The following SLC24A4 variants were observed in gnomAD, a reference collection of about 807,000 sequenced individuals.
SLC24A4 encodes the protein sodium/potassium/calcium exchanger 4.
A neutral mutation model predicts 79.0 loss-of-function variants in SLC24A4; 53 were observed. The observed-to-expected ratio is 0.67, with a 90% CI of 0.54 to 0.84. The LOEUF (loss-of-function observed/expected upper bound fraction) is 0.84, where lower values mean the gene tolerates loss of function less well. SLC24A4 is among the 40% of genes least tolerant of loss of function. The pLI is 0.00. For synonymous variants in SLC24A4, 323 were observed against 323.8 expected, an observed-to-expected ratio of 1.00 and a Z score of 0.03; for missense variants, 731 against 822.0, an observed-to-expected ratio of 0.89 and a Z score of 1.35.
chr14:92,401,727 CA>C (rs903721581), intron 2 of SLC24A4, among the ~76,000 whole-genome samples: 3 of 152,188 alleles, frequency 2.0e-5, no homozygotes, highest in African/African-American at 7.2e-5. Flanking sequence ...CTGTCCCCTA[CA>C]TGAGTTGCTG....
chr14:92,367,908 C>G (rs550475556), intron 2 of SLC24A4, among the ~76,000 whole-genome samples: 2 of 152,126 alleles, frequency 1.3e-5, no homozygotes, highest in Non-Finnish European at 2.9e-5. Flanking sequence ...AGAGAGGCAA[C>G]GTGGAGAAAC....
intron 12 of SLC24A4, among the ~76,000 whole-genome samples, chr14:92,470,139 A>C (rs1333864079): frequency 6.6e-6 from 1 of 152,226 alleles, no homozygotes; most frequent in Non-Finnish European, 1.5e-5. Flanking sequence ...GACTGTCAGC[A>C]TCAGCAGCAC....
At chr14:92,492,100 AG>A in intron 15 of SLC24A4, 74 bp from the exon 16 acceptor site, 4 of 1,378,212 alleles carry the variant, frequency 2.9e-6, no homozygotes, top group Non-Finnish European at 4.1e-6. Flanking sequence ...CATTGGGCCC[AG>A]GCATGCTGGG....
intron 2 of SLC24A4, among the ~76,000 whole-genome samples, chr14:92,339,374 G>A (rs1885997010): frequency 6.6e-6 from 1 of 152,254 alleles, no homozygotes; most frequent in African/African-American, 2.4e-5. Flanking sequence ...CAATGGAGTA[G>A]ACACTTGGGT....
intron 3 of SLC24A4, 128 bp downstream of exon 3, chr14:92,434,116 G>A: frequency 1.3e-6 from 1 of 749,870 alleles, no homozygotes; most frequent in South Asian, 1.5e-5. Context: ...AGCGGAGACT[G>A]GGCATGTTTT....
At chr14:92,346,532 G>A (rs534064832) in intron 2 of SLC24A4, among the ~76,000 whole-genome samples, 3 of 152,204 alleles carry the variant, frequency 2.0e-5, no homozygotes, top group African/African-American at 7.2e-5. Flanking sequence ...CATAAGCGAG[G>A]GATAGATCAT....
chr14:92,407,692 A>T (rs1020236681), intron 2 of SLC24A4, among the ~76,000 whole-genome samples: 1 of 152,140 alleles, frequency 6.6e-6, no homozygotes, highest in Non-Finnish European at 1.5e-5. Context: ...ATCAGATTTC[A>T]TGAGAACTCA....
chr14:92,346,211 A>G (rs1445631465), intron 2 of SLC24A4, among the ~76,000 whole-genome samples: 1 of 152,076 alleles, frequency 6.6e-6, no homozygotes, highest in East Asian at 1.9e-4. Context: ...AAATTGACCC[A>G]CTCTGCTTTC....
chr14:92,413,715 C>T (rs780688091), intron 2 of SLC24A4, among the ~76,000 whole-genome samples: 2 of 152,330 alleles, frequency 1.3e-5, no homozygotes, highest in East Asian at 3.9e-4. Flanking sequence ...AGCTTCCTTC[C>T]GTTCCGGGGA....
At chr14:92,347,111 A>G (rs905379776) in intron 2 of SLC24A4, among the ~76,000 whole-genome samples, 9 of 152,208 alleles carry the variant, frequency 5.9e-5, no homozygotes, top group Non-Finnish European at 1.2e-4. Flanking sequence ...TCGACTCTAT[A>G]TTCTTATTTT....
intron 2 of SLC24A4, among the ~76,000 whole-genome samples, chr14:92,327,663 A>G (rs1005467829): frequency 6.6e-6 from 1 of 152,210 alleles, no homozygotes; most frequent in African/African-American, 2.4e-5. Flanking sequence ...TCTGTCGTAC[A>G]TAGCCTGAGT....
rs1887441910 is a variant in SLC24A4, at chr14:92,360,412, C to G, written c.241+34434C>G. Reference sequence around the variant, plus strand: ...CACTGTGCCTAGCCCTGTGTGTTTTCTCTACTCAGCACTATTAGTTTTGTC... The same window carrying G: ...CACTGTGCCTAGCCCTGTGTGTTTTGTCTACTCAGCACTATTAGTTTTGTC... On this transcript the variant is annotated intron_variant, in intron 2 of 16. Transcript: ENST00000532405. Among the ~76,000 whole-genome samples, 5 of 152,198 alleles carry G rather than the reference C, an allele frequency of 3.3e-5. No homozygotes were observed. The South Asian group carries it at 1.0e-3, about 31-fold the overall frequency.
At chr14:92,352,366 G>C (rs1566706879) in intron 2 of SLC24A4, among the ~76,000 whole-genome samples, 1 of 152,192 alleles carries the variant, frequency 6.6e-6, no homozygotes, top group Non-Finnish European at 1.5e-5. Flanking sequence ...AGGCAGGGAA[G>C]GTTATGAATA....
intron 2 of SLC24A4, chr14:92,408,294 T>C (rs1890519079): frequency 1.6e-6 from 1 of 616,980 alleles, no homozygotes; most frequent in Non-Finnish European, 2.0e-6. Flanking sequence ...TTGTGTTTGT[T>C]GTGGCTAAAT....
chr14:92,453,217 A>G (rs1893251842), intron 10 of SLC24A4: 1 of 152,202 alleles, frequency 6.6e-6, no homozygotes, highest in African/African-American at 2.4e-5. Context: ...GGAGGGTGTC[A>G]GGGTTTATAG....
chr14:92,430,518 G>A (rs1429986451), intron 2 of SLC24A4, among the ~76,000 whole-genome samples: 1 of 152,240 alleles, frequency 6.6e-6, no homozygotes, highest in African/African-American at 2.4e-5. Context: ...TGTTCAGGAA[G>A]GCAACTGGCA....
At chr14:92,360,090 T>G (rs1887418037) in intron 2 of SLC24A4, among the ~76,000 whole-genome samples, 1 of 152,206 alleles carries the variant, frequency 6.6e-6, no homozygotes, top group Non-Finnish European at 1.5e-5. Flanking sequence ...GGCTATGTTT[T>G]GTATTTTTAG....
intron 2 of SLC24A4, among the ~76,000 whole-genome samples, chr14:92,372,163 C>T (rs899497125): frequency 4.6e-5 from 7 of 152,164 alleles, no homozygotes; most frequent in Non-Finnish European, 8.8e-5. Flanking sequence ...CCAGCCTGCT[C>T]AAATGCAGGG....
intron 2 of SLC24A4, among the ~76,000 whole-genome samples, chr14:92,390,462 A>G (rs549687984): frequency 6.6e-6 from 1 of 152,328 alleles, no homozygotes; most frequent in Admixed American, 6.5e-5. Context: ...TAGTTAAAGC[A>G]TGGCTCTCCT....
Sources: gnomAD v4.1 joint callset for allele counts (sites outside exome capture counted in the v4.1 genomes callset) on GRCh38, gnomAD v4.1.1 for gene constraint, MANE v1.5 for transcripts, NCBI Gene and HGNC (gene_info 2026-07-23, HGNC 2026-07-21) for gene names.